ST8SIA6: variants seen among roughly 807,000 people sequenced by gnomAD.
ST8SIA6 encodes alpha-2,8-sialyltransferase 8F.
Under a neutral mutation model 33.6 loss-of-function variants are expected in ST8SIA6, and 39 were observed. The ratio of observed to expected loss-of-function variants is 1.16; its 90% CI spans 0.90 to 1.52. The LOEUF (loss-of-function observed/expected upper bound fraction) is 1.52, where lower values mean the gene tolerates loss of function less well. Ranked by LOEUF, ST8SIA6 falls within the 40% of genes most tolerant of loss-of-function variation. The pLI is 0.00. For missense variants in ST8SIA6, 441 were observed against 443.8 expected, an observed-to-expected ratio of 0.99 and a Z score of 0.06; for synonymous variants, 172 against 167.2, an observed-to-expected ratio of 1.03 and a Z score of -0.22.
intron 2 of ST8SIA6, among the ~76,000 whole-genome samples, chr10:17,423,030 A>G (rs1359340611): frequency 6.6e-6 from 1 of 152,204 alleles, no homozygotes; most frequent in East Asian, 1.9e-4. Flanking sequence ...CATGGGTGCA[A>G]TTTTAATAGA....
chr10:17,337,170 A>C (rs554882525), intron 4 of ST8SIA6, among the ~76,000 whole-genome samples: 1 of 146,676 alleles, frequency 6.8e-6, no homozygotes, highest in South Asian at 2.2e-4. Context: ...CCGGCCGTTT[A>C]AGAAGAGCCT....
chr10:17,434,399 T>C (rs1852189192), intron 2 of ST8SIA6, among the ~76,000 whole-genome samples: 1 of 152,168 alleles, frequency 6.6e-6, no homozygotes, highest in Non-Finnish European at 1.5e-5. Flanking sequence ...GTACCCAGGC[T>C]CTAAGATAAG....
intron 4 of ST8SIA6, among the ~76,000 whole-genome samples, chr10:17,355,446 A>C (rs1564418150): frequency 6.6e-6 from 1 of 152,198 alleles, no homozygotes; most frequent in Admixed American, 6.5e-5. Flanking sequence ...GGTACCATCT[A>C]TGAGATAGGC....
intron 3 of ST8SIA6, among the ~76,000 whole-genome samples, chr10:17,382,588 T>C (rs1198829640): frequency 6.6e-6 from 1 of 152,196 alleles, no homozygotes; most frequent in Non-Finnish European, 1.5e-5. Flanking sequence ...TTTAAAGTCC[T>C]TGTTAACATT....
intron 4 of ST8SIA6, among the ~76,000 whole-genome samples, chr10:17,346,839 A>G (rs999207024): frequency 2.6e-5 from 4 of 152,184 alleles, no homozygotes; most frequent in Non-Finnish European, 5.9e-5. Flanking sequence ...CTATCTATGT[A>G]TGTCTCTATG....
chr10:17,404,836 G>A (rs1851193624), intron 2 of ST8SIA6, among the ~76,000 whole-genome samples: 1 of 152,114 alleles, frequency 6.6e-6, no homozygotes, highest in African/African-American at 2.4e-5. Context: ...AATAAATTCT[G>A]CCATACTGTT....
intron 2 of ST8SIA6, among the ~76,000 whole-genome samples, chr10:17,429,311 A>G (rs2131719545): frequency 6.6e-6 from 1 of 151,142 alleles, no homozygotes; most frequent in South Asian, 2.1e-4. Flanking sequence ...TTTTATTTCT[A>G]TTTTTCTTTT....
chr10:17,407,713 C>T (rs1851317902), intron 2 of ST8SIA6, among the ~76,000 whole-genome samples: 1 of 152,118 alleles, frequency 6.6e-6, no homozygotes, highest in African/African-American at 2.4e-5. Context: ...TCTACGAGCT[C>T]CCAGACAATG....
At chr10:17,421,228 G>GC (rs1463037916) in intron 2 of ST8SIA6, among the ~76,000 whole-genome samples, 1 of 152,152 alleles carries the variant, frequency 6.6e-6, no homozygotes, top group African/African-American at 2.4e-5. Context: ...CCAGCCTCAA[G>GC]CCCCCTGTGG....
intron 4 of ST8SIA6, among the ~76,000 whole-genome samples, chr10:17,344,051 C>T (rs1848758191): frequency 6.6e-6 from 1 of 152,158 alleles, no homozygotes; most frequent in Non-Finnish European, 1.5e-5. Flanking sequence ...CCTGAGGTCA[C>T]ACAGCTAGCT....
chr10:17,337,087 C>T (rs1322471158), intron 4 of ST8SIA6, among the ~76,000 whole-genome samples: 1 of 152,056 alleles, frequency 6.6e-6, no homozygotes, highest in Admixed American at 6.5e-5. Context: ...TAGCTGTTCT[C>T]GTGATAGTGA....
At chr10:17,424,308 T>G (rs1851867262) in intron 2 of ST8SIA6, among the ~76,000 whole-genome samples, 1 of 152,182 alleles carries the variant, frequency 6.6e-6, no homozygotes, top group Non-Finnish European at 1.5e-5. Context: ...TTCCACATTT[T>G]GCACAGGCTG....
At chr10:17,428,648 G>A (rs1852008514) in intron 2 of ST8SIA6, among the ~76,000 whole-genome samples, 1 of 151,906 alleles carries the variant, frequency 6.6e-6, no homozygotes, top group African/African-American at 2.4e-5. Flanking sequence ...AGAGGAGGCG[G>A]CCAAGCAGAA....
chr10:17,359,412 G>T, intron 4 of ST8SIA6, 102 bp downstream of exon 4: 1 of 819,396 alleles, frequency 1.2e-6, no homozygotes, highest in Non-Finnish European at 1.9e-6. Flanking sequence ...TGCCAGCTGG[G>T]GTTGGTTCTA....
chr10:17,380,894 C>T (rs114458948), intron 3 of ST8SIA6, among the ~76,000 whole-genome samples: 5,785 of 145,158 alleles, frequency 0.04, 141 homozygotes, highest in African/African-American at 0.065. Context: ...TGTGTGTATG[C>T]ATATGTGTAT....
At chr10:17,340,786 C>T (rs191561747) in intron 4 of ST8SIA6, among the ~76,000 whole-genome samples, 36 of 152,290 alleles carry the variant, frequency 2.4e-4, no homozygotes, top group Admixed American at 5.9e-4. Flanking sequence ...TTCTCAAGTT[C>T]GTATTTGGAA....
chr10:17,411,115 CA>C (rs1176102618), intron 2 of ST8SIA6, among the ~76,000 whole-genome samples: 1 of 152,158 alleles, frequency 6.6e-6, no homozygotes, highest in Non-Finnish European at 1.5e-5. Context: ...TGCAATCAAT[CA>C]CATGTCATTT....
At chr10:17,453,765 G>T in intron 1 of ST8SIA6, 108 bp from the exon 2 acceptor site, 1 of 866,286 alleles carries the variant, frequency 1.2e-6, no homozygotes, top group African/African-American at 1.7e-5. Flanking sequence ...GCACTCCCCG[G>T]CTCCCAGGCC....
intron 2 of ST8SIA6, among the ~76,000 whole-genome samples, chr10:17,416,440 G>A (rs574350014): frequency 1.3e-5 from 2 of 152,272 alleles, no homozygotes; most frequent in South Asian, 2.1e-4. Context: ...TTATATGGTC[G>A]AAATGCCCAT....
Sources: allele counts gnomAD v4.1 joint callset (sites outside exome capture counted in the v4.1 genomes callset), GRCh38; gene constraint gnomAD v4.1.1; transcripts MANE v1.5; gene names NCBI Gene and HGNC (gene_info 2026-07-23, HGNC 2026-07-21).